The following INSC variants were observed in gnomAD, a reference collection of about 807,000 sequenced individuals.
INSC encodes the protein INSC spindle orientation adaptor protein, also known as protein inscuteable homolog.
Under a neutral mutation model 58.6 loss-of-function variants are expected in INSC, and 67 were observed. That is an observed-to-expected ratio of 1.14 (90% CI 0.94 to 1.40). The LOEUF is 1.40. Among genes scored for constraint, INSC ranks in the 40% most tolerant of loss-of-function variants. The probability of loss-of-function intolerance (pLI) is 0.00; values close to 1 mark genes in which losing one functional copy is unlikely to be tolerated. For synonymous variants in INSC, 262 were observed against 276.1 expected (o/e 0.95, Z 0.51); for missense variants, 714 against 692.0 (o/e 1.03, Z -0.36).
chr11:15,237,830 T>A (rs993720928), intron 10 of INSC, among the ~76,000 whole-genome samples: 2 of 152,120 alleles, frequency 1.3e-5, no homozygotes, highest in Non-Finnish European at 2.9e-5. Flanking sequence ...AGAAATGAGG[T>A]CCTAGGGTTA....
At chr11:15,163,759 A>G (rs1849097824) in intron 2 of INSC, among the ~76,000 whole-genome samples, 1 of 151,916 alleles carries the variant, frequency 6.6e-6, no homozygotes, top group Non-Finnish European at 1.5e-5. Flanking sequence ...ACGCTCAACT[A>G]ATTTTCTGTA....
At chr11:15,250,296 C>T (rs750228516), downstream of INSC, among the ~76,000 whole-genome samples, 32 of 152,204 alleles carry the variant, frequency 2.1e-4, no homozygotes, top group South Asian at 2.1e-4. Context: ...GTTCTCTCAT[C>T]TGTAAAGTAG....
chr11:15,143,425 G>T (rs1260864685), intron 1 of INSC, among the ~76,000 whole-genome samples: 1 of 152,108 alleles, frequency 6.6e-6, no homozygotes, highest in Non-Finnish European at 1.5e-5. Context: ...GAAGGTGTTT[G>T]GCAGGGGGAG....
intron 7 of INSC, among the ~76,000 whole-genome samples, chr11:15,212,046 A>C (rs1055696306): frequency 1.3e-5 from 2 of 152,182 alleles, no homozygotes; most frequent in Admixed American, 1.3e-4. Context: ...GTCAATGTCC[A>C]CAAAAATACC....
At chr11:15,237,649 C>T (rs1057354327) in intron 10 of INSC, among the ~76,000 whole-genome samples, 2 of 152,186 alleles carry the variant, frequency 1.3e-5, no homozygotes, top group Non-Finnish European at 2.9e-5. Flanking sequence ...CAGGGCAAAT[C>T]TTGTTGTGCA....
At chr11:15,221,685 G>C (rs1355553063) in intron 8 of INSC, 37 bp downstream of exon 8, 1 of 1,569,018 alleles carries the variant, frequency 6.4e-7, no homozygotes, top group Admixed American at 1.8e-5. Flanking sequence ...CTAGGAGAGA[G>C]GGCCTTGGCA....
intron 12 of INSC, among the ~76,000 whole-genome samples, chr11:15,243,785 T>C (rs1852451290): frequency 6.6e-6 from 1 of 152,058 alleles, no homozygotes; most frequent in African/African-American, 2.4e-5. Context: ...TCTCTCCTTC[T>C]CTACTCCTTC....
chr11:15,244,069 C>T (rs926542240), intron 12 of INSC, among the ~76,000 whole-genome samples: 6 of 152,012 alleles, frequency 3.9e-5, no homozygotes, highest in Admixed American at 1.3e-4. Flanking sequence ...TGTTCTATTT[C>T]GCTCTGTCTC....
rs184469919 is a variant in INSC, at chr11:15,145,493, T to C, written c.-45-3637T>C. Among the ~76,000 whole-genome samples, 69 of 152,310 alleles carry C rather than the reference T, an allele frequency of 4.5e-4. No individual in the cohort carries two copies. In the East Asian group the frequency reaches 0.012, roughly 26 times the overall value. Reference sequence around the variant, plus strand: ...ACAGGATGAGTCTGACTTAGGGCTATGGGAGTCGGTGGGTGCAAGGGCTTC... The same window carrying C: ...ACAGGATGAGTCTGACTTAGGGCTACGGGAGTCGGTGGGTGCAAGGGCTTC... On this transcript the variant is annotated intron_variant, in intron 1 of 12. Transcript: ENST00000379556.
Position 15,129,467 on chromosome 11 carries a change from C to T in INSC, c.-46+14464C>T, listed in dbSNP as rs562670209. Among the ~76,000 whole-genome samples the T allele has an allele frequency of 3.5e-4, 54 of 152,206 alleles. 1 individual carries two copies. In the South Asian group the frequency reaches 9.3e-3, roughly 26 times the overall value. On this transcript the variant is annotated intron_variant, in intron 1 of 12. Coordinates refer to ENST00000379556, the MANE Select transcript of INSC (RefSeq NM_001042536.3). Reference sequence around the variant, plus strand: ...TGGAATTGGACTGAATATTTAGATCCGTTTATGGCGAATTAACATTTCCCT... The same window carrying T: ...TGGAATTGGACTGAATATTTAGATCTGTTTATGGCGAATTAACATTTCCCT...
At chr11:15,138,088 A>G (rs1465068094) in intron 1 of INSC, among the ~76,000 whole-genome samples, 2 of 152,150 alleles carry the variant, frequency 1.3e-5, no homozygotes, top group East Asian at 3.9e-4. Flanking sequence ...GGAGAAAGAT[A>G]GGGGAACAGC....
At chr11:15,221,102 C>T (rs950161108) in intron 7 of INSC, among the ~76,000 whole-genome samples, 2 of 152,168 alleles carry the variant, frequency 1.3e-5, no homozygotes, top group African/African-American at 4.8e-5. Context: ...CCAAGTCACA[C>T]AGCAAGGAAG....
chr11:15,139,865 C>T (rs1055230692), intron 1 of INSC, among the ~76,000 whole-genome samples: 6 of 152,226 alleles, frequency 3.9e-5, no homozygotes, highest in African/African-American at 1.4e-4. Flanking sequence ...GCACCAGATT[C>T]TCACTTTTGA....
intron 1 of INSC, among the ~76,000 whole-genome samples, chr11:15,129,476 C>T (rs945668844): frequency 2.6e-5 from 4 of 152,114 alleles, no homozygotes; most frequent in Non-Finnish European, 5.9e-5. Context: ...CCGTTTATGG[C>T]GAATTAACAT....
intron 12 of INSC, among the ~76,000 whole-genome samples, chr11:15,243,020 C>G (rs1231846221): frequency 6.6e-6 from 1 of 152,218 alleles, no homozygotes; most frequent in Non-Finnish European, 1.5e-5. Flanking sequence ...TTTTCCCCCT[C>G]TAGCCTGGAA....
chr11:15,114,950 G>C lies in INSC; in HGVS notation c.-99G>C, dbSNP rs1387941483. On this transcript the variant is annotated 5_prime_UTR_variant, in exon 1 of 13. Coordinates refer to ENST00000379556, the MANE Select transcript of INSC (RefSeq NM_001042536.3). ...TTTGCGCGCGGCCTCTGGAGCTCCA[G>C]CTGCGCCCCGCCACCACTGGCCGCT... 2.0e-6 allele frequency: 2 copies of C among 985,366 alleles called. No individual in the cohort carries two copies. Among genetic ancestry groups the C allele is most frequent in the Middle Eastern group, 5.2e-4 (1 of 1,932 alleles). The allele number at this position is 985,366 out of a possible 1,614,324, so 61.0% of individuals were successfully genotyped here.
chr11:15,164,916 C>T (rs1849143160), intron 2 of INSC, among the ~76,000 whole-genome samples: 1 of 152,110 alleles, frequency 6.6e-6, no homozygotes, highest in African/African-American at 2.4e-5. Context: ...TTAAGATGTG[C>T]CTTTCGCCTT....
Position 15,225,746 on chromosome 11 carries a change from T to A in INSC, c.1088T>A (p.Leu363His). The change falls in exon 9 of 13, where the codon CTC (leucine) becomes CAC (histidine). Residue 363 changes from leucine (L) to histidine (H), a missense_variant. Coordinates refer to ENST00000379556, the MANE Select transcript of INSC (RefSeq NM_001042536.3). ...TTTGACACAATGGCCTGCGAGATGC[T>A]CCTGCAGTTGAATGCCATCCGTGTT... ...TFFDTMACEMLLQLNAIRVLL... is the reference protein window; with the variant it reads ...TFFDTMACEMHLQLNAIRVLL... 6.2e-7 allele frequency: 1 copy of A among 1,614,100 alleles called. No homozygotes were observed. The highest frequency in any genetic ancestry group is 1.1e-5 in the South Asian group (1 of 91,046).
chr11:15,170,555 G>T (rs1849361381), intron 2 of INSC, among the ~76,000 whole-genome samples: 1 of 152,164 alleles, frequency 6.6e-6, no homozygotes, highest in Non-Finnish European at 1.5e-5. Context: ...CCTTTCAGGG[G>T]TACATGCTAG....
Sources: allele counts gnomAD v4.1 joint callset (sites outside exome capture counted in the v4.1 genomes callset), GRCh38; gene constraint gnomAD v4.1.1; transcripts MANE v1.5; gene names NCBI Gene and HGNC (gene_info 2026-07-23, HGNC 2026-07-21).